SLC8A1: variants seen among roughly 807,000 people sequenced by gnomAD.
The protein encoded by SLC8A1 is sodium/calcium exchanger 1.
SLC8A1 carries 18 observed loss-of-function variants against 68.3 expected under a neutral mutation model. The ratio of observed to expected loss-of-function variants is 0.26; its 90% CI spans 0.18 to 0.39. The LOEUF (loss-of-function observed/expected upper bound fraction) is 0.39. Among genes scored for constraint, SLC8A1 ranks in the 10% least tolerant of loss-of-function variants. The pLI, the probability that SLC8A1 is intolerant of heterozygous loss-of-function variation, is 1.00. For missense variants in SLC8A1, 985 were observed against 1,156.7 expected, an observed-to-expected ratio of 0.85 and a Z score of 2.15; for synonymous variants, 475 against 415.5, an observed-to-expected ratio of 1.14 and a Z score of -1.74.
intron 1 of SLC8A1, among the ~76,000 whole-genome samples, chr2:40,433,984 T>C (rs1205474148): frequency 1.3e-5 from 2 of 152,186 alleles, no homozygotes; most frequent in South Asian, 2.1e-4. Flanking sequence ...AGCATGTTCC[T>C]AGAGACAGCT....
intron 1 of SLC8A1, among the ~76,000 whole-genome samples, chr2:40,480,877 A>G (rs1319560475): frequency 1.3e-5 from 2 of 152,202 alleles, no homozygotes. Context: ...ACTTACAAAC[A>G]CAACCCAACT....
At chr2:40,324,349 C>T (rs985039333) in intron 2 of SLC8A1, among the ~76,000 whole-genome samples, 1 of 152,088 alleles carries the variant, frequency 6.6e-6, no homozygotes, top group Non-Finnish European at 1.5e-5. Flanking sequence ...TTTGAACAGA[C>T]AACTATAAAA....
intron 5 of SLC8A1, among the ~76,000 whole-genome samples, chr2:40,161,434 C>T (rs61047253): frequency 0.016 from 2,459 of 152,134 alleles, 91 homozygotes; most frequent in African/African-American, 0.056. Context: ...TCATGCTCAC[C>T]CTATTCCTAT....
At chr2:40,347,846 C>G (rs765517431) in intron 2 of SLC8A1, among the ~76,000 whole-genome samples, 2 of 152,134 alleles carry the variant, frequency 1.3e-5, no homozygotes, top group Non-Finnish European at 2.9e-5. Flanking sequence ...ACATTTTCAT[C>G]TTGAAATCAA....
At chr2:40,293,044 C>T (rs1337851371) in intron 2 of SLC8A1, among the ~76,000 whole-genome samples, 1 of 152,036 alleles carries the variant, frequency 6.6e-6, no homozygotes, top group Admixed American at 6.6e-5. Flanking sequence ...TAGAGTAGAT[C>T]TTATTTTGTT....
intron 2 of SLC8A1, chr2:40,213,480 G>C (rs1262805229): frequency 1.3e-5 from 2 of 152,188 alleles, no homozygotes; most frequent in African/African-American, 4.8e-5. Context: ...TCTTCGGCAG[G>C]TGAATGTCAT....
At chr2:40,330,857 G>A (rs370383209) in intron 2 of SLC8A1, among the ~76,000 whole-genome samples, 70 of 152,210 alleles carry the variant, frequency 4.6e-4, no homozygotes, top group Non-Finnish European at 8.8e-4. Context: ...TGGAATCTAC[G>A]GCATTTGCTA....
At chr2:40,131,117 A>C (rs934347012) in intron 7 of SLC8A1, among the ~76,000 whole-genome samples, 1 of 152,146 alleles carries the variant, frequency 6.6e-6, no homozygotes, top group Non-Finnish European at 1.5e-5. Flanking sequence ...TGTAATCCTC[A>C]CTACAACTCT....
chr2:40,183,226 C>A (rs891376538), intron 2 of SLC8A1, among the ~76,000 whole-genome samples: 10 of 152,180 alleles, frequency 6.6e-5, no homozygotes, highest in Non-Finnish European at 1.2e-4. Flanking sequence ...ACCTTTCAAT[C>A]ATATGACTCA....
chr2:40,389,235 T>G (rs1243880997), intron 2 of SLC8A1, among the ~76,000 whole-genome samples: 1 of 152,094 alleles, frequency 6.6e-6, no homozygotes, highest in Non-Finnish European at 1.5e-5. Flanking sequence ...AATAGTTGGC[T>G]GTATAGAAAG....
intron 2 of SLC8A1, among the ~76,000 whole-genome samples, chr2:40,385,535 TAAC>T (rs1683292583): frequency 6.6e-6 from 1 of 151,094 alleles, no homozygotes; most frequent in African/African-American, 2.5e-5. Flanking sequence ...ATGATAATAA[TAAC>T]ATCAATATAA....
At chr2:40,235,694 G>C (rs930255303) in intron 2 of SLC8A1, among the ~76,000 whole-genome samples, 2 of 151,294 alleles carry the variant, frequency 1.3e-5, no homozygotes, top group Non-Finnish European at 2.9e-5. Context: ...GTGATGTTAG[G>C]GTGTCAATTT....
At chr2:40,108,453 A>G (rs1262109956) in exon 8 of SLC8A1, 2 of 152,180 alleles carry the variant, frequency 1.3e-5, no homozygotes, top group Non-Finnish European at 2.9e-5. Context: ...ATAAAATCCT[A>G]GTTAACACAT....
exon 8 of SLC8A1, chr2:40,101,468 G>A (rs1434653678): frequency 1.3e-5 from 2 of 151,992 alleles, no homozygotes; most frequent in African/African-American, 4.8e-5. Context: ...TAGGCCCCGG[G>A]GAAGTCAGGC....
chr2:40,411,961 A>G (rs1692288421), intron 2 of SLC8A1, among the ~76,000 whole-genome samples: 1 of 152,166 alleles, frequency 6.6e-6, no homozygotes, highest in Non-Finnish European at 1.5e-5. Flanking sequence ...ACCTTTTTGT[A>G]CATACTATAT....
exon 2 of SLC8A1, chr2:40,429,266 C>G: frequency 6.2e-7 from 1 of 1,613,904 alleles, no homozygotes; most frequent in Non-Finnish European, 8.5e-7. Flanking sequence ...ATTTCTTTAT[C>G]TGGATGCTTC....
intron 2 of SLC8A1, among the ~76,000 whole-genome samples, chr2:40,304,449 T>C (rs2072177449): frequency 6.6e-6 from 1 of 151,988 alleles, no homozygotes; most frequent in South Asian, 2.1e-4. Context: ...GGATTCTGAG[T>C]AACTTGATTC....
At chr2:40,257,813 T>A (rs1006337463) in intron 2 of SLC8A1, among the ~76,000 whole-genome samples, 19 of 152,234 alleles carry the variant, frequency 1.2e-4, no homozygotes, top group African/African-American at 4.1e-4. Context: ...AGTAACTTTT[T>A]CTGCTCTGTC....
chr2:40,311,346 G>T (rs1459931646), intron 2 of SLC8A1, among the ~76,000 whole-genome samples: 1 of 151,632 alleles, frequency 6.6e-6, no homozygotes, highest in Non-Finnish European at 1.5e-5. Context: ...TAGCATCATT[G>T]TATAGAAAAA....
Sources: allele counts gnomAD v4.1 joint callset (sites outside exome capture counted in the v4.1 genomes callset), GRCh38; gene constraint gnomAD v4.1.1; transcripts MANE v1.5; gene names NCBI Gene and HGNC (gene_info 2026-07-23, HGNC 2026-07-21).